Variants in GCKR observed in about 807,000 individuals in gnomAD.
The protein encoded by GCKR is glucokinase regulator.
A neutral mutation model predicts 82.9 loss-of-function variants in GCKR; 73 were observed. The observed-to-expected ratio is 0.88, with a 90% CI of 0.73 to 1.07. GCKR has a LOEUF of 1.07. Among genes scored for constraint, GCKR ranks in the 50% least tolerant of loss-of-function variants. The pLI is 0.00. For missense variants in GCKR, 784 were observed against 782.1 expected (o/e 1.00, Z -0.03); for synonymous variants, 294 against 291.8 (o/e 1.01, Z -0.08).
chr2:27,498,871 T>C, intron 5 of GCKR, 74 bp downstream of exon 5: 1 of 898,968 alleles, frequency 1.1e-6, no homozygotes, highest in Non-Finnish European at 1.9e-6. Flanking sequence ...GGAATACCTT[T>C]AGACAGAGAT....
At chr2:27,520,174 A>G (rs1670116082) in intron 17 of GCKR, among the ~76,000 whole-genome samples, 1 of 152,074 alleles carries the variant, frequency 6.6e-6, no homozygotes, top group Admixed American at 6.6e-5. Context: ...ATGTGAAAGG[A>G]ATCAATCAAT....
chr2:27,498,675 T>G lies in GCKR; in HGVS notation c.355-49T>G. On this transcript the variant is annotated intron_variant, in intron 4 of 18. Transcript: ENST00000264717. ...TCTAGGAGTTGAAAATCCAAGATAATTGTTTCTTCTCTGTCATTACCTCTT... is the reference window on the plus strand; with the variant it reads ...TCTAGGAGTTGAAAATCCAAGATAAGTGTTTCTTCTCTGTCATTACCTCTT... The G allele has an allele frequency of 2.6e-6, 3 of 1,136,398 alleles. No homozygotes were observed. The East Asian group carries it at 7.0e-5, about 27-fold the overall frequency. 70.4% of individuals were successfully genotyped at this position (1,136,398 alleles called of 1,614,324 possible).
In GCKR at chr2:27,523,370, T is replaced by C. The variant is rs764724554; in HGVS notation, c.1809T>C (p.Ser603=). 4 of 1,612,216 alleles carry C rather than the reference T, an allele frequency of 2.5e-6. No homozygotes were observed. The Admixed American group carries it at 5.0e-5, about 20-fold the overall frequency. ...CTTCTGTCTGTGAGGCTGTCAGGAGTGCTCTTGCTGGGCCAGGTCAGAAGC... is the reference window on the plus strand; with the variant it reads ...CTTCTGTCTGTGAGGCTGTCAGGAGCGCTCTTGCTGGGCCAGGTCAGAAGC... ...AAPSVCEAVR[S]ALAGPGQKRT... Residue 603 remains serine, a synonymous_variant, in exon 19 of 19, where the codon AGT becomes AGC. Coordinates refer to ENST00000264717, the MANE Select transcript of GCKR (RefSeq NM_001486.4).
intron 16 of GCKR, among the ~76,000 whole-genome samples, chr2:27,515,744 C>T (rs1463657982): frequency 3.1e-5 from 4 of 130,112 alleles, no homozygotes; most frequent in Admixed American, 8.2e-5. Flanking sequence ...TCCAATTGTT[C>T]GTATATATAT....
intron 16 of GCKR, chr2:27,509,795 TC>T (rs1321922073): frequency 1.8e-4 from 26 of 141,756 alleles, no homozygotes; most frequent in African/African-American, 6.9e-4. Context: ...AAAAAAACAC[TC>T]TAACAAATTT....
intron 1 of GCKR, 98 bp from the exon 2 acceptor site, chr2:27,497,146 G>A (rs1001797559): frequency 2.3e-5 from 33 of 1,441,804 alleles, no homozygotes; most frequent in Non-Finnish European, 3.1e-5. Flanking sequence ...GTGTGTGTAA[G>A]TCCAAACTCT....
intron 9 of GCKR, among the ~76,000 whole-genome samples, chr2:27,504,862 C>T (rs1296549337): frequency 6.6e-6 from 1 of 151,926 alleles, no homozygotes; most frequent in Non-Finnish European, 1.5e-5. Context: ...TGTAGTGGCT[C>T]ACGCCTGTAA....
intron 16 of GCKR, among the ~76,000 whole-genome samples, chr2:27,512,013 G>C (rs930873111): frequency 2.0e-5 from 3 of 152,078 alleles, no homozygotes; most frequent in African/African-American, 7.2e-5. Flanking sequence ...GGCCAAGGCA[G>C]GCAGATCACA....
At position 27,523,320 on chromosome 2, in the gene GCKR, G is replaced by A; in HGVS notation, c.1759G>A (p.Ala587Thr). The A allele has an allele frequency of 6.2e-7, 1 of 1,612,994 alleles. No homozygotes were observed. The highest frequency in any genetic ancestry group is 8.5e-7 in the Non-Finnish European group (1 of 1,179,944). ...CCTATTCCGGTGCTCGATCACTGAG[G>A]CTCAGGCACACCTGGCTGCAGCTCC... Reference protein sequence around the residue: ...SLLFRCSITEAQAHLAAAPSV... With the variant: ...SLLFRCSITETQAHLAAAPSV... Residue 587 changes from alanine (A) to threonine (T), a missense_variant, in exon 19 of 19, where the codon GCT (alanine) becomes ACT (threonine). Transcript: ENST00000264717.
intron 7 of GCKR, among the ~76,000 whole-genome samples, chr2:27,499,800 C>G (rs990279568): frequency 6.6e-6 from 1 of 152,216 alleles, no homozygotes; most frequent in Non-Finnish European, 1.5e-5. Flanking sequence ...CTCTGTCACC[C>G]AGGCTGGAGT....
At chr2:27,513,909 T>TG (rs1669945057) in intron 16 of GCKR, among the ~76,000 whole-genome samples, 1 of 144,676 alleles carries the variant, frequency 6.9e-6, no homozygotes, top group Admixed American at 7.1e-5. Context: ...TTATTTGCAT[T>TG]TGTGTGTGTG....
At chr2:27,509,611 A>C (rs1293411249) in intron 16 of GCKR, 4 of 402,834 alleles carry the variant, frequency 9.9e-6, no homozygotes, top group South Asian at 1.8e-5. Flanking sequence ...CAAAGTGCTG[A>C]GATTGCAGGC....
At chr2:27,502,966 C>T (rs1225543277) in intron 8 of GCKR, among the ~76,000 whole-genome samples, 1 of 152,200 alleles carries the variant, frequency 6.6e-6, no homozygotes, top group African/African-American at 2.4e-5. Flanking sequence ...CTCATGAACA[C>T]ATTTATTTGT....
At chr2:27,501,660 T>C in intron 8 of GCKR, 2 of 464,052 alleles carry the variant, frequency 4.3e-6, no homozygotes, top group Non-Finnish European at 8.9e-6. Flanking sequence ...AGTTCCCTTA[T>C]TTAGTGCCCA....
At chr2:27,497,839 T>C (rs543412023) in intron 3 of GCKR, among the ~76,000 whole-genome samples, 2 of 152,342 alleles carry the variant, frequency 1.3e-5, no homozygotes, top group Admixed American at 1.3e-4. Context: ...CTTTCACACC[T>C]ATTACCCTCA....
At chr2:27,498,112 C>T (rs1669460874) in intron 3 of GCKR, 143 bp from the exon 4 acceptor site, 13 of 682,660 alleles carry the variant, frequency 1.9e-5, no homozygotes, top group Non-Finnish European at 2.9e-5. Flanking sequence ...TGCTACACTA[C>T]ATTGCATGTA....
At chr2:27,501,302 C>A (rs2148580648) in intron 8 of GCKR, 73 bp downstream of exon 8, 2 of 929,356 alleles carry the variant, frequency 2.2e-6, no homozygotes, top group Admixed American at 3.4e-5. Context: ...ACAGTACAAC[C>A]ACAAGGGAGA....
intron 16 of GCKR, 36 bp from the exon 17 acceptor site, chr2:27,518,752 T>G: frequency 6.3e-7 from 1 of 1,590,484 alleles, no homozygotes; most frequent in Non-Finnish European, 8.6e-7. Flanking sequence ...TTCTGTCCTC[T>G]AATTTTTGAC....
intron 16 of GCKR, among the ~76,000 whole-genome samples, chr2:27,514,253 GTATA>G (rs138762435): frequency 6.7e-5 from 10 of 150,122 alleles, no homozygotes; most frequent in African/African-American, 2.0e-4. Context: ...ATGTGTCTGC[GTATA>G]TATATATATA....
Sources: gnomAD v4.1 joint callset for allele counts (sites outside exome capture counted in the v4.1 genomes callset) on GRCh38, gnomAD v4.1.1 for gene constraint, MANE v1.5 for transcripts, NCBI Gene and HGNC (gene_info 2026-07-23, HGNC 2026-07-21) for gene names.